GRIK4: variants seen among roughly 807,000 people sequenced by gnomAD.
The protein encoded by GRIK4 is glutamate receptor ionotropic, kainate 4.
In GRIK4, 40 loss-of-function variants were observed where a neutral mutation model predicts 104.9. The ratio of observed to expected loss-of-function variants is 0.38; its 90% CI spans 0.30 to 0.50. GRIK4 has a LOEUF of 0.50. Among genes scored for constraint, GRIK4 ranks in the 20% least tolerant of loss-of-function variants. GRIK4 has a pLI of 0.93. For synonymous variants in GRIK4, 485 were observed against 524.9 expected (o/e 0.92, Z 1.04); for missense variants, 1,047 against 1,308.1 (o/e 0.80, Z 3.08).
At chr11:120,775,673 G>A (rs933631711) in intron 3 of GRIK4, among the ~76,000 whole-genome samples, 5 of 152,240 alleles carry the variant, frequency 3.3e-5, no homozygotes, top group African/African-American at 9.6e-5. Flanking sequence ...ACTAATACCC[G>A]TCATATTCAG....
At chr11:120,794,289 G>A (rs141222242) in intron 3 of GRIK4, among the ~76,000 whole-genome samples, 25 of 151,478 alleles carry the variant, frequency 1.7e-4, no homozygotes, top group African/African-American at 5.6e-4. Flanking sequence ...AGAGCCAGGC[G>A]ATGGTTGGAG....
chr11:120,709,817 A>G (rs987139822), intron 3 of GRIK4, among the ~76,000 whole-genome samples: 1 of 152,196 alleles, frequency 6.6e-6, no homozygotes, highest in Non-Finnish European at 1.5e-5. Context: ...AGAGTAGTGT[A>G]GAAGACAGAG....
At chr11:120,731,568 A>G (rs1951132120) in intron 3 of GRIK4, among the ~76,000 whole-genome samples, 1 of 152,150 alleles carries the variant, frequency 6.6e-6, no homozygotes, top group South Asian at 2.1e-4. Flanking sequence ...TCTCAGGGTA[A>G]TACTGGCCAA....
chr11:120,981,218 A>G (rs1475954808), intron 19 of GRIK4, among the ~76,000 whole-genome samples: 1 of 152,216 alleles, frequency 6.6e-6, no homozygotes, highest in Admixed American at 6.5e-5. Flanking sequence ...TTAATTACAT[A>G]GCTGAACTCA....
At chr11:120,591,706 C>G (rs1948735824) in intron 1 of GRIK4, among the ~76,000 whole-genome samples, 1 of 152,120 alleles carries the variant, frequency 6.6e-6, no homozygotes, top group Admixed American at 6.5e-5. Context: ...CTAGACAGCT[C>G]TGTTGTGTGT....
chr11:120,649,226 G>A (rs571594733), intron 1 of GRIK4, among the ~76,000 whole-genome samples: 31 of 152,286 alleles, frequency 2.0e-4, no homozygotes, highest in Middle Eastern at 3.4e-3. Context: ...GAGGGCTGAG[G>A]GGGGCTGATT....
intron 19 of GRIK4, among the ~76,000 whole-genome samples, chr11:120,969,644 A>G (rs908143539): frequency 2.0e-5 from 3 of 152,208 alleles, no homozygotes; most frequent in African/African-American, 4.8e-5. Flanking sequence ...GATTGTCAGC[A>G]TATGTTAATG....
chr11:120,523,939 T>C (rs944883692), intron 1 of GRIK4, among the ~76,000 whole-genome samples: 5 of 151,618 alleles, frequency 3.3e-5, no homozygotes, highest in African/African-American at 1.2e-4. Flanking sequence ...TTTTTTTTTT[T>C]TTTCCTGAGA....
At position 120,549,963 on chromosome 11, in the gene GRIK4, G is replaced by A. The variant is rs934838864; in HGVS notation, c.-159+38076G>A. On this transcript the variant is annotated intron_variant, in intron 1 of 20. Coordinates refer to ENST00000527524, the MANE Select transcript of GRIK4 (RefSeq NM_014619.5). The surrounding 1 kb of genome is among the most constrained non-coding windows in gnomAD (Gnocchi z 4.7). ...TATCATTTAAGGCAGTTTGAGTTGC[G>A]TTTTCTGTCACTTGCAAGGGGTTTG... Among the ~76,000 whole-genome samples, 12 of 152,170 alleles carry A rather than the reference G, an allele frequency of 7.9e-5. No individual in the cohort carries two copies. The highest frequency in any genetic ancestry group is 7.2e-5 in the African/African-American group (3 of 41,438).
rs1281037840 is a variant in GRIK4 at position 120,905,385 on chromosome 11, A to G, written c.1368A>G (p.Ala456=). 7 of 1,613,936 alleles carry G rather than the reference A, an allele frequency of 4.3e-6. No homozygotes were observed. The highest frequency in any genetic ancestry group is 5.1e-6 in the Non-Finnish European group (6 of 1,179,882). ...GTGTGGACATGCTCAAGGAGCTGGC[A>G]GAGATCCTCCGATTCAACTACAAGA... The part of the protein sequence containing the change: ...GFCVDMLKEL[A]EILRFNYKIR... Residue 456 remains alanine, a synonymous_variant, in exon 13 of 21, where the codon GCA becomes GCG. Coordinates refer to ENST00000527524, the MANE Select transcript of GRIK4 (RefSeq NM_014619.5). The surrounding 1 kb of genome is among the most constrained non-coding windows in gnomAD (Gnocchi z 5.1).
intron 15 of GRIK4, among the ~76,000 whole-genome samples, chr11:120,955,042 G>A (rs533326566): frequency 6.6e-6 from 1 of 152,100 alleles, no homozygotes; most frequent in South Asian, 2.1e-4. Context: ...AGATTTTACA[G>A]GGAAAAAAAA....
chr11:120,844,217 C>T (rs1424333699), intron 8 of GRIK4, among the ~76,000 whole-genome samples: 4 of 152,126 alleles, frequency 2.6e-5, no homozygotes, highest in African/African-American at 4.8e-5. Flanking sequence ...TCTTTCACTC[C>T]TTGCTTTGGT....
At chr11:120,738,531 C>A (rs1355824891) in intron 3 of GRIK4, among the ~76,000 whole-genome samples, 2 of 152,196 alleles carry the variant, frequency 1.3e-5, no homozygotes, top group African/African-American at 4.8e-5. Context: ...AGTCCATCAC[C>A]GTTCATCCCC....
intron 19 of GRIK4, among the ~76,000 whole-genome samples, chr11:120,972,988 G>A (rs1328992245): frequency 6.6e-6 from 1 of 152,092 alleles, no homozygotes; most frequent in African/African-American, 2.4e-5. Context: ...GTGGACTACG[G>A]CATAAGACCA....
chr11:120,917,345 A>G (rs1374615471), intron 13 of GRIK4, among the ~76,000 whole-genome samples: 1 of 152,064 alleles, frequency 6.6e-6, no homozygotes, highest in Non-Finnish European at 1.5e-5. Context: ...TGAATCAATC[A>G]GCAGACAGTG....
At chr11:120,653,915 G>A (rs925318200) in intron 2 of GRIK4, 123 bp downstream of exon 2, 4 of 152,216 alleles carry the variant, frequency 2.6e-5, no homozygotes, top group African/African-American at 7.2e-5. Context: ...TCTAGTCTGG[G>A]CCTTCCCTTC....
At chr11:120,553,928 A>G (rs994491615) in intron 1 of GRIK4, among the ~76,000 whole-genome samples, 1 of 152,206 alleles carries the variant, frequency 6.6e-6, no homozygotes, top group African/African-American at 2.4e-5. Context: ...CAGGCTTTAA[A>G]ACAGAGAAGC....
At chr11:120,682,225 A>C (rs1321224686) in intron 3 of GRIK4, among the ~76,000 whole-genome samples, 1 of 152,160 alleles carries the variant, frequency 6.6e-6, no homozygotes, top group Non-Finnish European at 1.5e-5. Flanking sequence ...GCTGGAAAGA[A>C]ATGCATTTGG....
Position 120,815,588 on chromosome 11 carries a change from C to T in GRIK4, c.345+113C>T, listed in dbSNP as rs1203565923. On this transcript the variant is annotated intron_variant, in intron 5 of 20. Coordinates refer to ENST00000527524, the MANE Select transcript of GRIK4 (RefSeq NM_014619.5). ...GAGCCTGTCAAGGCTGGGTTGGTAT[C>T]ATTAATAACAACAACATAAATACAA... The T allele has an allele frequency of 2.4e-5, 14 of 593,934 alleles. No individual in the cohort carries two copies. The East Asian group carries it at 4.6e-4, about 19-fold the overall frequency. 36.8% of individuals were successfully genotyped at this position (593,934 alleles called of 1,614,324 possible).
Sources: gnomAD v4.1 joint callset for allele counts (sites outside exome capture counted in the v4.1 genomes callset) on GRCh38, gnomAD v4.1.1 for gene constraint, Gnocchi (gnomAD v3.1) non-coding constraint, MANE v1.5 for transcripts, NCBI Gene and HGNC (gene_info 2026-07-23, HGNC 2026-07-21) for gene names.